FBXL12: variants seen among roughly 807,000 people sequenced by gnomAD.
FBXL12 encodes F-box and leucine rich repeat protein 12.
Under a neutral mutation model 24.9 loss-of-function variants are expected in FBXL12, and 22 were observed. The ratio of observed to expected loss-of-function variants is 0.88; its 90% CI spans 0.63 to 1.26. The LOEUF (loss-of-function observed/expected upper bound fraction) is 1.26, where lower values mean the gene tolerates loss of function less well. Ranked by LOEUF, FBXL12 falls within the 50% of genes most tolerant of loss-of-function variation. FBXL12 has a pLI of 0.00. For synonymous variants in FBXL12, 193 were observed against 193.8 expected, an observed-to-expected ratio of 1.00 and a Z score of 0.03; for missense variants, 384 against 434.1, an observed-to-expected ratio of 0.88 and a Z score of 1.03.
chr19:9,816,489 CA>C (rs1388702402), intron 2 of FBXL12, among the ~76,000 whole-genome samples: 1 of 152,190 alleles, frequency 6.6e-6, no homozygotes, highest in Non-Finnish European at 1.5e-5. Flanking sequence ...ATCTCTAGGG[CA>C]GGGGCAAAAT....
Position 9,811,701 on chromosome 19 carries a change from A to G in FBXL12, c.176T>C (p.Met59Thr). 1.3e-6 allele frequency: 2 copies of G among 1,512,202 alleles called. No homozygotes were observed. Among genetic ancestry groups the G allele is most frequent in the South Asian group, 1.3e-5 (1 of 74,894 alleles). The allele number at this position is 1,512,202 out of a possible 1,614,324, so 93.7% of individuals were successfully genotyped here. A position where few individuals can be genotyped will look rare whatever the true frequency, so the allele number is the denominator to read the frequency against. ...CATGTACCTTCGAAGGAGGTGCCAC[A>G]TGACTTTAGGTCGCATCTGTAAGAG... ...LTLYTMRPKV[M>T]WHLLRRYMAS... Residue 59 changes from methionine (M) to threonine (T), a missense_variant, in exon 3 of 3, where the codon ATG (methionine) becomes ACG (threonine). Physicochemically the swap from Met to Thr is moderately conservative, Grantham distance 81. Transcript: ENST00000247977. The surrounding 1 kb of genome is among the most constrained non-coding windows in gnomAD (Gnocchi z 6.0).
At position 9,811,175 on chromosome 19, in the gene FBXL12, C is replaced by G. The variant is rs748317193; in HGVS notation, c.702G>C (p.Arg234=). 1.2e-6 allele frequency: 2 copies of G among 1,610,008 alleles called. No individual in the cohort carries two copies. The highest frequency in any genetic ancestry group is 2.7e-5 in the African/African-American group (2 of 74,960). ...SRHLRDVRKI[R]LTVRGLSAPG... ...GGGCAGAGAGGCCCCTCACGGTCAG[C>G]CGGATCTTGCGCACATCTCGGAGGT... The change falls in exon 3 of 3, where the codon CGG becomes CGC. Residue 234 remains arginine (R), a synonymous_variant. Coordinates refer to ENST00000247977, the MANE Select transcript of FBXL12 (RefSeq NM_017703.3). The surrounding 1 kb of genome is among the most constrained non-coding windows in gnomAD (Gnocchi z 6.0).
intron 1 of FBXL12, 39 bp from the exon 2 acceptor site, chr19:9,818,656 C>G (rs770081792): frequency 1.3e-6 from 2 of 1,546,598 alleles, no homozygotes; most frequent in Non-Finnish European, 1.7e-6. Context: ...ACCCCAGCCC[C>G]GGGCCACATC....
rs776298523 is a variant in FBXL12 at position 9,810,685 on chromosome 19, ACTAGG to A, written c.*206_*210del. ...ATCATCCTTATTTCCAGATGTGGGAACTAGGCTTCCCAGAGGCTGATGATATGACC... is the reference window on the plus strand; with the variant it reads ...ATCATCCTTATTTCCAGATGTGGGAACTTCCCAGAGGCTGATGATATGACC... On this transcript the variant is annotated 3_prime_UTR_variant, in exon 3 of 3. Transcript: ENST00000247977. The A allele has an allele frequency of 4.8e-5, 22 of 457,498 alleles. No individual in the cohort carries two copies. Among genetic ancestry groups the A allele is most frequent in the Non-Finnish European group, 8.2e-5 (21 of 256,298 alleles). The allele number at this position is 457,498 out of a possible 1,614,324, so 28.3% of individuals were successfully genotyped here.
chr19:9,813,329 G>A (rs2045802305), intron 2 of FBXL12: 1 of 1,087,934 alleles, frequency 9.2e-7, no homozygotes, highest in African/African-American at 1.6e-5. Flanking sequence ...TGCTTACAAA[G>A]GTGTTTCTTT....
chr19:9,818,172 AG>A (rs1469354401), intron 2 of FBXL12: 14 of 417,046 alleles, frequency 3.4e-5, no homozygotes, highest in Non-Finnish European at 5.9e-5. Flanking sequence ...ACTGCACTCC[AG>A]CCTGAGCAGC....
Position 9,811,055 on chromosome 19 carries a change from G to C in FBXL12, c.822C>G (p.Ile274Met), listed in dbSNP as rs1311907226. ...VTPEMPSPTE[I>M]LSSCLTMPKL... Reference sequence around the variant, plus strand: ...TGGGCATAGTGAGGCAGGAGGAGAGGATTTCAGTGGGGGAGGGCATTTCTG... The same window carrying C: ...TGGGCATAGTGAGGCAGGAGGAGAGCATTTCAGTGGGGGAGGGCATTTCTG... Residue 274 changes from isoleucine (I) to methionine (M), a missense_variant, in exon 3 of 3, where the codon ATC becomes ATG. Coordinates refer to ENST00000247977, the MANE Select transcript of FBXL12 (RefSeq NM_017703.3). This position sits in a 1 kb window ranked among gnomAD's most constrained non-coding sequence, Gnocchi z 6.0. 1 of 1,612,858 alleles carries C rather than the reference G, an allele frequency of 6.2e-7. No homozygotes were observed. The highest frequency in any genetic ancestry group is 1.7e-5 in the Admixed American group (1 of 59,958).
rs1340425117 is a variant in FBXL12, at chr19:9,818,898, C to G, written c.-85G>C. ...CCGAGGCGGCTGACAGGGCGGCGGC[C>G]GCGACCTTCCCGTAGCCGGTCGAGA... On this transcript the variant is annotated 5_prime_UTR_variant, in exon 1 of 3. Coordinates refer to ENST00000247977, the MANE Select transcript of FBXL12 (RefSeq NM_017703.3). 3 of 1,285,122 alleles carry G rather than the reference C, an allele frequency of 2.3e-6. No individual in the cohort carries two copies. Among genetic ancestry groups the G allele is most frequent in the African/African-American group, 1.5e-5 (1 of 67,210 alleles). The allele number at this position is 1,285,122 out of a possible 1,614,324, so 79.6% of individuals were successfully genotyped here.
intron 2 of FBXL12, among the ~76,000 whole-genome samples, chr19:9,813,801 C>T (rs1020149776): frequency 2.0e-5 from 3 of 150,280 alleles, no homozygotes; most frequent in Admixed American, 1.3e-4. Context: ...ACGCGCCTGG[C>T]CTTAATTTTG....
intron 2 of FBXL12, chr19:9,818,089 G>A (rs954092009): frequency 1.8e-5 from 7 of 381,044 alleles, no homozygotes; most frequent in African/African-American, 4.1e-5. Context: ...GCGAGCGCCC[G>A]TGGTTCCAGC....
intron 2 of FBXL12, among the ~76,000 whole-genome samples, chr19:9,812,971 G>C (rs1323530254): frequency 2.0e-5 from 3 of 152,086 alleles, no homozygotes; most frequent in African/African-American, 7.2e-5. Context: ...TACTTGGGAG[G>C]CTGAGGCAGG....
At chr19:9,812,772 A>C (rs1490727771) in intron 2 of FBXL12, among the ~76,000 whole-genome samples, 3 of 150,868 alleles carry the variant, frequency 2.0e-5, no homozygotes, top group East Asian at 1.9e-4. Flanking sequence ...AAAAAAAAAA[A>C]AAAAAACAAC....
intron 2 of FBXL12, among the ~76,000 whole-genome samples, chr19:9,815,054 G>A (rs952018987): frequency 1.3e-5 from 2 of 152,120 alleles, no homozygotes; most frequent in Admixed American, 1.3e-4. Context: ...TCTCATCTGA[G>A]ACAAGGCAAG....
At chr19:9,815,811 C>A (rs553278822) in intron 2 of FBXL12, among the ~76,000 whole-genome samples, 1 of 152,130 alleles carries the variant, frequency 6.6e-6, no homozygotes, top group Admixed American at 6.6e-5. Flanking sequence ...TGCGCCACCA[C>A]GCATTTGTTG....
At chr19:9,816,870 A>C (rs1206424151) in intron 2 of FBXL12, among the ~76,000 whole-genome samples, 1 of 152,218 alleles carries the variant, frequency 6.6e-6, no homozygotes, top group Non-Finnish European at 1.5e-5. Context: ...AATTGAACTT[A>C]AGTTCCACAT....
rs1039613829 is a variant in FBXL12, at chr19:9,811,337, C to T, written c.540G>A (p.Ser180=). ...QGLTRFRALR[S]LVLGGTYRVT... ...CACGGTAGGTACCACCCAGCACCAG[C>T]GAGCGCAAGGCCCGGAAGCGCGTCA... The change falls in exon 3 of 3, where the codon TCG becomes TCA. Residue 180 remains serine (S), a synonymous_variant. Coordinates refer to ENST00000247977, the MANE Select transcript of FBXL12 (RefSeq NM_017703.3). The surrounding 1 kb of genome is among the most constrained non-coding windows in gnomAD (Gnocchi z 6.0). 9 of 1,609,796 alleles carry T rather than the reference C, an allele frequency of 5.6e-6. No individual in the cohort carries two copies. Among genetic ancestry groups the T allele is most frequent in the Non-Finnish European group, 7.6e-6 (9 of 1,179,950 alleles).
intron 2 of FBXL12, among the ~76,000 whole-genome samples, chr19:9,816,271 C>T (rs2045881973): frequency 6.6e-6 from 1 of 152,190 alleles, no homozygotes; most frequent in South Asian, 2.1e-4. Context: ...CAAATTTCTG[C>T]ATCTGGCTTG....
intron 2 of FBXL12, chr19:9,813,088 C>G: frequency 2.3e-6 from 1 of 428,216 alleles, no homozygotes; most frequent in Non-Finnish European, 3.8e-6. Context: ...AAAAATATAT[C>G]AAAGCCTGGT....
intron 2 of FBXL12, among the ~76,000 whole-genome samples, chr19:9,815,779 C>T (rs552790284): frequency 3.9e-5 from 6 of 152,236 alleles, no homozygotes; most frequent in South Asian, 4.1e-4. Context: ...CTCAGCCTCC[C>T]GAGTAGCTGG....
Sources: allele counts gnomAD v4.1 joint callset (sites outside exome capture counted in the v4.1 genomes callset), GRCh38; gene constraint gnomAD v4.1.1; non-coding constraint Gnocchi (gnomAD v3.1); transcripts MANE v1.5; gene names NCBI Gene and HGNC (gene_info 2026-07-23, HGNC 2026-07-21).